KCNN1: variants seen among roughly 807,000 people sequenced by gnomAD.
KCNN1 encodes the protein small conductance calcium-activated potassium channel protein 1.
Under a neutral mutation model 44.7 loss-of-function variants are expected in KCNN1, and 20 were observed. That is an observed-to-expected ratio of 0.45 (90% confidence interval 0.32 to 0.65). KCNN1 has a LOEUF of 0.65. KCNN1 is among the 30% of genes least tolerant of loss of function. KCNN1 has a pLI of 0.05. For missense variants in KCNN1, 632 were observed against 785.3 expected, an observed-to-expected ratio of 0.80 and a Z score of 2.33; for synonymous variants, 324 against 341.7, an observed-to-expected ratio of 0.95 and a Z score of 0.57.
upstream of KCNN1, among the ~76,000 whole-genome samples, chr19:17,963,746 G>C (rs2031737131): frequency 7.0e-6 from 1 of 143,752 alleles, no homozygotes; most frequent in African/African-American, 2.7e-5. Flanking sequence ...TTTTTTGTGA[G>C]ATAGGGTCTT....
At position 17,997,074 on chromosome 19, in the gene KCNN1, C is replaced by G. The variant is rs922528720; in HGVS notation, c.1378-1078C>G. ...AGGACTGTCCCTGCCTGGCCGGCCT[C>G]CCCTGCCCATAGGGGGACAGTGCCA... On this transcript the variant is annotated intron_variant, in intron 9 of 9. Transcript: ENST00000684775. Among the ~76,000 whole-genome samples, 5 of 152,312 alleles carry G rather than the reference C, an allele frequency of 3.3e-5. No homozygotes were observed. In the Middle Eastern group the frequency reaches 0.01, roughly 311 times the overall value.
At chr19:17,984,249 T>G (rs560845775) in intron 4 of KCNN1, among the ~76,000 whole-genome samples, 44 of 151,966 alleles carry the variant, frequency 2.9e-4, no homozygotes, top group African/African-American at 9.7e-4. Context: ...GGAGTGGCAT[T>G]CGACTTCCGC....
At chr19:17,964,092 G>T (rs140888126), upstream of KCNN1, among the ~76,000 whole-genome samples, 10 of 152,300 alleles carry the variant, frequency 6.6e-5, no homozygotes, top group East Asian at 1.9e-3. This position sits in a 1 kb window ranked among gnomAD's most constrained non-coding sequence, Gnocchi z 4.3. Flanking sequence ...CAGAGAAGGG[G>T]CTATGTGGAT....
chr19:17,989,598 A>G lies in KCNN1; in HGVS notation c.1171-118A>G. ...CAAGCATGGCCCTGCCTTATAGCCC[A>G]GGGACCCTGAGAGGCATTTCCAGAA... On this transcript the variant is annotated intron_variant, in intron 6 of 9. Transcript: ENST00000684775. 5 of 1,444,880 alleles carry G rather than the reference A, an allele frequency of 3.5e-6. No homozygotes were observed. The South Asian group carries it at 3.5e-5, about 10-fold the overall frequency. 89.5% of individuals were successfully genotyped at this position (1,444,880 alleles called of 1,614,324 possible). A position where few individuals can be genotyped will look rare whatever the true frequency, so the allele number is the denominator to read the frequency against.
intron 1 of KCNN1, chr19:17,971,994 G>C (rs1373079398): frequency 6.6e-6 from 1 of 151,730 alleles, no homozygotes; most frequent in Non-Finnish European, 1.5e-5. Context: ...ATGTAGCAAG[G>C]CCTGATCTCT....
At chr19:17,957,236 T>A (rs559552945) in intron 2 of KCNN1, among the ~76,000 whole-genome samples, 10 of 14,158 alleles carry the variant, frequency 7.1e-4, no homozygotes, top group Admixed American at 2.2e-3. Context: ...GAGGGGATGG[T>A]GGGGAAGGGG....
upstream of KCNN1, among the ~76,000 whole-genome samples, chr19:17,966,091 A>C (rs1476660799): frequency 6.9e-6 from 1 of 145,060 alleles, no homozygotes; most frequent in Admixed American, 6.9e-5. Flanking sequence ...CTTCAGTCCA[A>C]CTGTTTTCTG....
At chr19:17,958,133 T>C (rs1429825472) in intron 2 of KCNN1, among the ~76,000 whole-genome samples, 1 of 152,022 alleles carries the variant, frequency 6.6e-6, no homozygotes, top group Non-Finnish European at 1.5e-5. Context: ...GCTGGGGTCA[T>C]GTGGGATCTA....
chr19:17,963,351 C>T (rs1159238430), upstream of KCNN1, among the ~76,000 whole-genome samples: 6 of 141,708 alleles, frequency 4.2e-5, no homozygotes, highest in South Asian at 4.6e-4. Flanking sequence ...CTCACTCTGT[C>T]GCCCAGGCTG....
At chr19:17,984,257 C>T (rs1196539197) in intron 4 of KCNN1, among the ~76,000 whole-genome samples, 1 of 152,110 alleles carries the variant, frequency 6.6e-6, no homozygotes, top group Non-Finnish European at 1.5e-5. Flanking sequence ...ATTCGACTTC[C>T]GCGGGAGTGA....
chr19:17,962,187 G>A (rs1296635694), upstream of KCNN1, among the ~76,000 whole-genome samples: 2 of 152,190 alleles, frequency 1.3e-5, no homozygotes, highest in Non-Finnish European at 2.9e-5. Flanking sequence ...GTCCCAGGGT[G>A]GGGCCGCTGG....
intron 3 of KCNN1, among the ~76,000 whole-genome samples, chr19:17,981,142 G>A (rs2032390411): frequency 6.6e-6 from 1 of 150,754 alleles, no homozygotes; most frequent in African/African-American, 2.4e-5. Flanking sequence ...GCTTGAACCC[G>A]GGAGGCAGAG....
At position 17,983,117 on chromosome 19, in the gene KCNN1, T is replaced by C. The variant is rs912114500; in HGVS notation, c.917+990T>C. On this transcript the variant is annotated intron_variant, in intron 4 of 9. Transcript: ENST00000684775. This position sits in a 1 kb window ranked among gnomAD's most constrained non-coding sequence, Gnocchi z 4.5. ...GTCTGTTGTAAATACCCCTAGGAGG[T>C]GGTGGACCATCAACCCGATTTACAG... is the stretch of plus-strand genomic sequence containing the variant. Among the ~76,000 whole-genome samples, 1 of 151,282 alleles carries C rather than the reference T, an allele frequency of 6.6e-6. No individual in the cohort carries two copies. The highest frequency in any genetic ancestry group is 2.4e-5 in the African/African-American group (1 of 41,092).
In KCNN1 at chr19:17,967,267, G is replaced by C. The variant is rs1214225605; in HGVS notation, c.-132G>C. 1.0e-6 allele frequency: 1 copy of C among 985,086 alleles called. No individual in the cohort carries two copies. The highest frequency in any genetic ancestry group is 1.2e-6 in the Non-Finnish European group (1 of 829,708). 61.0% of individuals were successfully genotyped at this position (985,086 alleles called of 1,614,324 possible). On this transcript the variant is annotated 5_prime_UTR_variant, in exon 1 of 10. Coordinates refer to ENST00000684775, the MANE Select transcript of KCNN1 (RefSeq NM_001386974.1). Reference sequence around the variant, plus strand: ...CCCGACTGGGGGTCCGCGGCCGCGCGGGACCCTCTCCCCTCCAGCCTTGTC... The same window carrying C: ...CCCGACTGGGGGTCCGCGGCCGCGCCGGACCCTCTCCCCTCCAGCCTTGTC...
At chr19:17,973,740 G>C in intron 1 of KCNN1, 68 bp from the exon 2 acceptor site, 1 of 1,429,246 alleles carries the variant, frequency 7.0e-7, no homozygotes, top group Non-Finnish European at 9.1e-7. Flanking sequence ...GGTTGGCCGG[G>C]ATGGTCCTTG....
At chr19:17,975,931 G>T (rs909029053) in intron 3 of KCNN1, among the ~76,000 whole-genome samples, 1 of 152,070 alleles carries the variant, frequency 6.6e-6, no homozygotes, top group Non-Finnish European at 1.5e-5. Context: ...CCTCAAACTC[G>T]TGGGCTCAAG....
chr19:17,969,691 A>C (rs1333479683), intron 1 of KCNN1, among the ~76,000 whole-genome samples: 7 of 152,064 alleles, frequency 4.6e-5, no homozygotes, highest in Non-Finnish European at 2.9e-5. Flanking sequence ...TGCGTTTCGG[A>C]AGGTCGTTTG....
At chr19:17,985,290 C>G in intron 4 of KCNN1, 22 bp from the exon 5 acceptor site, 4 of 1,572,802 alleles carry the variant, frequency 2.5e-6, no homozygotes, top group Non-Finnish European at 3.5e-6. Flanking sequence ...AGCCCTCCCT[C>G]TTCCCACTCT....
chr19:17,981,775 A>G lies in KCNN1; in HGVS notation c.565A>G (p.Ile189Val). The G allele has an allele frequency of 1.2e-6, 2 of 1,611,878 alleles. No individual in the cohort carries two copies. Among genetic ancestry groups the G allele is most frequent in the Non-Finnish European group, 1.7e-6 (2 of 1,178,460 alleles). Residue 189 changes from isoleucine to valine, a missense_variant, in exon 4 of 10, where the codon ATC (isoleucine) becomes GTC (valine). Ile to Val is a conservative substitution (Grantham distance 29). Coordinates refer to ENST00000684775, the MANE Select transcript of KCNN1 (RefSeq NM_001386974.1). ...CATGACCTGCGAGCGCGTGTTCCTC[A>G]TCTCGCTAGAGCTGGCAGTGTGCGC... ...IAMTCERVFL[I>V]SLELAVCAIH...
Sources: gnomAD v4.1 joint callset for allele counts (sites outside exome capture counted in the v4.1 genomes callset) on GRCh38, gnomAD v4.1.1 for gene constraint, Gnocchi (gnomAD v3.1) non-coding constraint, MANE v1.5 for transcripts, NCBI Gene and HGNC (gene_info 2026-07-23, HGNC 2026-07-21) for gene names.